LHCGR: variants seen among roughly 807,000 people sequenced by gnomAD.
The protein encoded by LHCGR is luteinizing hormone/choriogonadotropin receptor.
In LHCGR, 55 loss-of-function variants were observed where a neutral mutation model predicts 60.7. That is an observed-to-expected ratio of 0.91 (90% CI 0.73 to 1.13). LHCGR has a LOEUF of 1.13. LHCGR is among the 50% of genes most tolerant of loss of function. The pLI is 0.00. For synonymous variants in LHCGR, 337 were observed against 316.5 expected, an observed-to-expected ratio of 1.06 and a Z score of -0.69; for missense variants, 862 against 836.0, an observed-to-expected ratio of 1.03 and a Z score of -0.38.
intron 3 of LHCGR, among the ~76,000 whole-genome samples, chr2:48,727,779 G>A (rs1668804564): frequency 6.6e-6 from 1 of 152,224 alleles, no homozygotes; most frequent in African/African-American, 2.4e-5. Context: ...TCTCATGGTG[G>A]ACATTTATAT....
chr2:48,718,968 A>G (rs527447568), intron 6 of LHCGR, among the ~76,000 whole-genome samples: 1 of 152,304 alleles, frequency 6.6e-6, no homozygotes, highest in African/African-American at 2.4e-5. Flanking sequence ...ATGTCAACTT[A>G]TATGTCTTTA....
intron 3 of LHCGR, among the ~76,000 whole-genome samples, chr2:48,727,702 C>T (rs1374815975): frequency 1.3e-5 from 2 of 152,234 alleles, no homozygotes; most frequent in Non-Finnish European, 2.9e-5. Context: ...ATGTCTTTTG[C>T]ACTTACTCAT....
intron 8 of LHCGR, among the ~76,000 whole-genome samples, chr2:48,707,244 G>C (rs192382967): frequency 2.9e-4 from 44 of 152,348 alleles, no homozygotes; most frequent in Middle Eastern, 3.4e-3. Context: ...AGCAAGTATT[G>C]CTGACTGATC....
At chr2:48,709,360 G>T (rs559633127) in intron 7 of LHCGR, among the ~76,000 whole-genome samples, 1 of 152,284 alleles carries the variant, frequency 6.6e-6, no homozygotes, top group South Asian at 2.1e-4. Flanking sequence ...GCTCCAAGAG[G>T]CCAAGACTGA....
rs771069978 is a variant in LHCGR at position 48,688,197 on chromosome 2, G to A, written c.1600C>T (p.Leu534Phe). 2.5e-6 allele frequency: 4 copies of A among 1,614,024 alleles called. No homozygotes were observed. The Admixed American group carries it at 5.0e-5, about 20-fold the overall frequency. The change falls in exon 11 of 11, where the codon CTC becomes TTC. Residue 534 changes from leucine to phenylalanine, a missense_variant. Coordinates refer to ENST00000294954, the MANE Select transcript of LHCGR (RefSeq NM_000233.4). This position sits in a 1 kb window ranked among gnomAD's most constrained non-coding sequence, Gnocchi z 5.2. Reference protein sequence around the residue: ...SQVYILTILILNVVAFFIICA... With the variant: ...SQVYILTILIFNVVAFFIICA... The stretch of plus-strand genomic sequence containing the variant: ...ATTATGAAGAAGGCCACCACATTGA[G>A]AATCAGGATGGTTAATATATAGACT...
At chr2:48,748,425 A>C (rs1669806114) in intron 1 of LHCGR, among the ~76,000 whole-genome samples, 1 of 152,178 alleles carries the variant, frequency 6.6e-6, no homozygotes, top group South Asian at 2.1e-4. Flanking sequence ...GCCAATAATC[A>C]GGTATTAGGA....
Position 48,725,740 on chromosome 2 carries a change from T to G in LHCGR, c.319A>C (p.Asn107His). 2 of 1,610,874 alleles carry G rather than the reference T, an allele frequency of 1.2e-6. No individual in the cohort carries two copies. Among genetic ancestry groups the G allele is most frequent in the Non-Finnish European group, 1.7e-6 (2 of 1,177,294 alleles). Residue 107 changes from asparagine (N) to histidine (H), a missense_variant, in exon 4 of 11, where the codon AAC becomes CAC. Physicochemically the swap from Asn to His is moderately conservative, Grantham distance 68. Transcript: ENST00000294954. ...TCAATGTATCTCAGATTTTTGGTGT[T>G]CTGGATCAGTCTGTAAAGAGAGAGG... ...LLNLSEILIQ[N>H]TKNLRYIEPG... is the part of the protein sequence containing the mutation.
chr2:48,739,319 C>G (rs1233089766), intron 1 of LHCGR, among the ~76,000 whole-genome samples: 1 of 152,174 alleles, frequency 6.6e-6, no homozygotes, highest in Non-Finnish European at 1.5e-5. Context: ...TGGGTATATA[C>G]CCAAAGGATT....
At chr2:48,702,345 C>T (rs192790458) in intron 8 of LHCGR, among the ~76,000 whole-genome samples, 19 of 151,668 alleles carry the variant, frequency 1.3e-4, no homozygotes, top group African/African-American at 3.1e-4. Context: ...ACATATGCCA[C>T]GTTGGTTTGC....
At chr2:48,695,414 T>C (rs1036958871) in intron 9 of LHCGR, among the ~76,000 whole-genome samples, 3 of 152,198 alleles carry the variant, frequency 2.0e-5, no homozygotes, top group African/African-American at 7.2e-5. Flanking sequence ...ATTTAGGACT[T>C]TTACAGTCTG....
At chr2:48,719,227 C>T (rs911395097) in intron 6 of LHCGR, among the ~76,000 whole-genome samples, 19 of 152,250 alleles carry the variant, frequency 1.2e-4, no homozygotes, top group Admixed American at 1.2e-3. Context: ...GAGGCTGAGG[C>T]AGGAGAATCG....
chr2:48,698,997 A>G (rs1417296501), intron 8 of LHCGR, among the ~76,000 whole-genome samples, 197 bp from the exon 9 acceptor site: 1 of 151,746 alleles, frequency 6.6e-6, no homozygotes, highest in African/African-American at 2.4e-5. Context: ...GCCCGCTACC[A>G]CGCCCGGCTA....
intron 10 of LHCGR, 34 bp downstream of exon 10, chr2:48,694,190 C>T (rs906520777): frequency 9.9e-6 from 12 of 1,216,874 alleles, no homozygotes; most frequent in African/African-American, 4.4e-5. Context: ...GAACAAGATA[C>T]GACTTCTGAG....
intron 9 of LHCGR, among the ~76,000 whole-genome samples, chr2:48,695,791 A>C (rs1667089529): frequency 6.6e-6 from 1 of 152,192 alleles, no homozygotes; most frequent in Non-Finnish European, 1.5e-5. Flanking sequence ...AGATTAAAAA[A>C]CCAAATACTG....
Position 48,687,610 on chromosome 2 carries a change from C to G in LHCGR, c.*87G>C. ...CTAAAAATAAATAATTTCCTAAATC[C>G]AACCCTTTATGTTAAAATTACTGGT... On this transcript the variant is annotated 3_prime_UTR_variant, in exon 11 of 11. Transcript: ENST00000294954. 8.8e-7 allele frequency: 1 copy of G among 1,140,984 alleles called. No individual in the cohort carries two copies. Among genetic ancestry groups the G allele is most frequent in the Non-Finnish European group, 1.3e-6 (1 of 758,610 alleles). 70.7% of individuals were successfully genotyped at this position (1,140,984 alleles called of 1,614,324 possible).
intron 1 of LHCGR, among the ~76,000 whole-genome samples, chr2:48,735,228 C>G (rs573093899): frequency 2.0e-5 from 3 of 152,194 alleles, no homozygotes; most frequent in Admixed American, 1.3e-4. Flanking sequence ...GAAATCGAAA[C>G]AGTCTGTCCT....
At chr2:48,733,901 C>A (rs944729871) in intron 1 of LHCGR, among the ~76,000 whole-genome samples, 3 of 152,130 alleles carry the variant, frequency 2.0e-5, no homozygotes, top group African/African-American at 7.2e-5. Context: ...AATGTACTCC[C>A]TTTGAAGGTG....
Position 48,689,090 on chromosome 2 carries a change from TATATATACATATATACAC to T in LHCGR, c.948-259_948-242del, listed in dbSNP as rs1298485871. Among the ~76,000 whole-genome samples the T allele has an allele frequency of 6.4e-4, 97 of 151,418 alleles. 1 individual carries two copies. The East Asian group carries it at 0.013, about 20-fold the overall frequency. On this transcript the variant is annotated intron_variant, in intron 10 of 10. Coordinates refer to ENST00000294954, the MANE Select transcript of LHCGR (RefSeq NM_000233.4). ...ATATATACACACATATATACACACATATATATACATATATACACATATATACATATATACACATATATA... is the reference window on the plus strand; with the variant it reads ...ATATATACACACATATATACACACATATATATACATATATACACATATATA...
intron 1 of LHCGR, among the ~76,000 whole-genome samples, chr2:48,740,931 T>G (rs1386620271): frequency 6.6e-6 from 1 of 152,144 alleles, no homozygotes; most frequent in Non-Finnish European, 1.5e-5. Flanking sequence ...GCAAAGAAGT[T>G]GAAAACTTTG....
Sources: allele counts gnomAD v4.1 joint callset (sites outside exome capture counted in the v4.1 genomes callset), GRCh38; gene constraint gnomAD v4.1.1; non-coding constraint Gnocchi (gnomAD v3.1); transcripts MANE v1.5; gene names NCBI Gene and HGNC (gene_info 2026-07-23, HGNC 2026-07-21).